ANAPC10: variants seen among roughly 807,000 people sequenced by gnomAD.
ANAPC10 encodes the protein anaphase-promoting complex subunit 10.
In ANAPC10, 12 loss-of-function variants were observed where a neutral mutation model predicts 22.0. That is an observed-to-expected ratio of 0.55 (90% CI 0.35 to 0.88). The LOEUF is 0.88. Ranked by LOEUF, ANAPC10 falls within the 40% of genes least tolerant of loss-of-function variation. The pLI is 0.01. For synonymous variants in ANAPC10, 65 were observed against 69.5 expected (o/e 0.94, Z 0.32); for missense variants, 188 against 220.9 (o/e 0.85, Z 0.94).
At chr4:145,001,813 C>T (rs1247682667) in intron 4 of ANAPC10, among the ~76,000 whole-genome samples, 1 of 152,126 alleles carries the variant, frequency 6.6e-6, no homozygotes, top group Non-Finnish European at 1.5e-5. Flanking sequence ...TATTAGCAAC[C>T]TTTAAGTCAC....
chr4:144,996,881 A>G (rs865951427), intron 4 of ANAPC10, among the ~76,000 whole-genome samples: 13 of 152,220 alleles, frequency 8.5e-5, no homozygotes, highest in Admixed American at 3.3e-4. Context: ...AACAGCAAAG[A>G]GAAGACCTTA....
At chr4:145,075,121 T>C (rs181160509) in intron 3 of ANAPC10, among the ~76,000 whole-genome samples, 1,785 of 152,312 alleles carry the variant, frequency 0.012, 16 homozygotes, top group Non-Finnish European at 0.018. Context: ...GAGGTCTTCA[T>C]AGATTCTGTG....
chr4:145,010,927 T>G (rs1734203103), intron 4 of ANAPC10, among the ~76,000 whole-genome samples: 1 of 152,114 alleles, frequency 6.6e-6, no homozygotes, highest in Admixed American at 6.6e-5. Context: ...GGCAACTTTC[T>G]GAAGGCACCA....
At chr4:145,049,602 T>C (rs1054457072) in intron 4 of ANAPC10, among the ~76,000 whole-genome samples, 6 of 151,992 alleles carry the variant, frequency 3.9e-5, no homozygotes, top group African/African-American at 1.5e-4. Context: ...TTTTTTGAGA[T>C]AGGGTCTCTC....
chr4:145,059,066 A>G (rs1742495657), intron 4 of ANAPC10, among the ~76,000 whole-genome samples: 1 of 152,170 alleles, frequency 6.6e-6, no homozygotes. Context: ...TGTCTTATCA[A>G]ACCAATTTAT....
intron 4 of ANAPC10, among the ~76,000 whole-genome samples, chr4:145,020,961 A>T (rs187410248): frequency 1.9e-4 from 29 of 152,246 alleles, no homozygotes; most frequent in African/African-American, 6.3e-4. Context: ...ACACAAACAA[A>T]TGGAAACACA....
intron 4 of ANAPC10, among the ~76,000 whole-genome samples, chr4:145,021,339 T>C (rs1407733728): frequency 6.6e-6 from 1 of 152,018 alleles, no homozygotes; most frequent in African/African-American, 2.4e-5. Context: ...CATAGGACAA[T>C]GTAATAGAGT....
chr4:145,080,902 C>T (rs1380607335), intron 3 of ANAPC10, among the ~76,000 whole-genome samples: 1 of 128,032 alleles, frequency 7.8e-6, no homozygotes, highest in East Asian at 2.3e-4. Flanking sequence ...AGCAAAACTC[C>T]ATCTCAAAAA....
At chr4:145,054,196 C>T (rs1469345372) in intron 4 of ANAPC10, among the ~76,000 whole-genome samples, 3 of 151,410 alleles carry the variant, frequency 2.0e-5, no homozygotes, top group African/African-American at 4.9e-5. Context: ...CCTGAGCCAC[C>T]GTGCCCAGCC....
chr4:145,005,097 C>A (rs1330472853), intron 4 of ANAPC10, among the ~76,000 whole-genome samples: 1 of 152,048 alleles, frequency 6.6e-6, no homozygotes, highest in African/African-American at 2.4e-5. Context: ...GTATCCATTT[C>A]TTTTTCCTTT....
At chr4:145,015,986 T>A (rs1236733347) in intron 4 of ANAPC10, among the ~76,000 whole-genome samples, 2 of 152,088 alleles carry the variant, frequency 1.3e-5, no homozygotes, top group African/African-American at 2.4e-5. Context: ...AGAACCTCTT[T>A]AAAGCACAAA....
intron 4 of ANAPC10, among the ~76,000 whole-genome samples, chr4:145,009,006 T>A (rs1442658410): frequency 6.6e-6 from 1 of 152,054 alleles, no homozygotes; most frequent in South Asian, 2.1e-4. Context: ...GGATACAAAA[T>A]CAATGTGTAA....
intron 4 of ANAPC10, among the ~76,000 whole-genome samples, chr4:145,040,946 T>C (rs1230456784): frequency 6.6e-6 from 1 of 152,138 alleles, no homozygotes; most frequent in Non-Finnish European, 1.5e-5. Flanking sequence ...ACAGAAATAA[T>C]GCATGACAAT....
chr4:145,002,017 G>A (rs1392990462), intron 4 of ANAPC10, among the ~76,000 whole-genome samples: 1 of 152,154 alleles, frequency 6.6e-6, no homozygotes. Context: ...AAAGAAGGAA[G>A]GAAAAACTAC....
At chr4:145,047,201 G>A (rs1357226505) in intron 4 of ANAPC10, among the ~76,000 whole-genome samples, 1 of 152,002 alleles carries the variant, frequency 6.6e-6, no homozygotes, top group Non-Finnish European at 1.5e-5. Context: ...GATCTGACAG[G>A]CTCCAAACCC....
chr4:145,056,244 C>T lies in ANAPC10; in HGVS notation c.327+8328G>A, dbSNP rs536376625. Among the ~76,000 whole-genome samples, 190 of 152,270 alleles carry T rather than the reference C, an allele frequency of 1.2e-3. 1 individual carries two copies. The highest frequency in any genetic ancestry group is 1.8e-3 in the Non-Finnish European group (124 of 68,018). ...AGAAGCTGGCCCAAACCCACCAAAA[C>T]CAAGATGGCCACGAGAGTGACCTCT... On this transcript the variant is annotated intron_variant, in intron 4 of 4. Coordinates refer to ENST00000507656, the MANE Select transcript of ANAPC10 (RefSeq NM_001256706.2).
chr4:145,088,466 C>G (rs1747210934), intron 2 of ANAPC10, among the ~76,000 whole-genome samples: 1 of 152,152 alleles, frequency 6.6e-6, no homozygotes. Context: ...TCTATTTACT[C>G]CCTCCACTCC....
intron 3 of ANAPC10, among the ~76,000 whole-genome samples, chr4:145,080,437 C>T (rs1333699239): frequency 1.3e-5 from 2 of 152,198 alleles, no homozygotes; most frequent in African/African-American, 2.4e-5. Flanking sequence ...GTCATTTATG[C>T]ACTGTGTAGG....
intron 2 of ANAPC10, among the ~76,000 whole-genome samples, chr4:145,094,355 A>T (rs755607254): frequency 4.6e-5 from 7 of 152,202 alleles, no homozygotes; most frequent in Non-Finnish European, 8.8e-5. Flanking sequence ...ATAAAGAGAC[A>T]TGAGGGAACT....
Sources: gnomAD v4.1 joint callset for allele counts (sites outside exome capture counted in the v4.1 genomes callset) on GRCh38, gnomAD v4.1.1 for gene constraint, MANE v1.5 for transcripts, NCBI Gene and HGNC (gene_info 2026-07-23, HGNC 2026-07-21) for gene names.